CRYBG1: variants seen among roughly 807,000 people sequenced by gnomAD.
CRYBG1 encodes the protein crystallin beta-gamma domain containing 1, also known as beta/gamma crystallin domain-containing protein 1.
In CRYBG1, 139 loss-of-function variants were observed where a neutral mutation model predicts 189.2. The ratio of observed to expected loss-of-function variants is 0.73; its 90% confidence interval spans 0.64 to 0.85. CRYBG1 has a LOEUF of 0.85. CRYBG1 is among the 40% of genes least tolerant of loss of function. The probability of loss-of-function intolerance (pLI) is 0.00; values close to 1 mark genes in which losing one functional copy is unlikely to be tolerated. For missense variants in CRYBG1, 2,611 were observed against 2,675.8 expected (o/e 0.98, Z 0.53); for synonymous variants, 1,023 against 1,017.1 (o/e 1.01, Z -0.11).
At chr6:106,524,459 G>T (rs567944435) in intron 4 of CRYBG1, among the ~76,000 whole-genome samples, 3 of 152,200 alleles carry the variant, frequency 2.0e-5, no homozygotes, top group South Asian at 4.1e-4. Flanking sequence ...CCAGCTACTC[G>T]GGAGGCTGAG....
At chr6:106,552,388 C>A (rs916685194) in intron 15 of CRYBG1, 172 bp downstream of exon 15, 24 of 352,052 alleles carry the variant, frequency 6.8e-5, no homozygotes, top group Non-Finnish European at 9.8e-5. Context: ...GAGTTCAAGA[C>A]CAGCCTGACC....
chr6:106,472,222 T>G (rs552241254), intron 2 of CRYBG1, among the ~76,000 whole-genome samples: 1 of 152,294 alleles, frequency 6.6e-6, no homozygotes, highest in South Asian at 2.1e-4. Flanking sequence ...TTGGTTGAAT[T>G]TTTTTCCTAA....
Position 106,534,095 on chromosome 6 carries a change from T to C in CRYBG1, c.4718+3780T>C, listed in dbSNP as rs574977252. ...TTTTTTTTAAAGAATTGGTGTCAGG[T>C]TGAGAAACACCACTTTCCTTAGAAA... On this transcript the variant is annotated intron_variant, in intron 8 of 21. Coordinates refer to ENST00000633556, the MANE Select transcript of CRYBG1 (RefSeq NM_001371242.2). Among the ~76,000 whole-genome samples, 233 of 152,286 alleles carry C rather than the reference T, an allele frequency of 1.5e-3. 3 individuals carry two copies. Among genetic ancestry groups the C allele is most frequent in the Non-Finnish European group, 9.7e-4 (66 of 68,022 alleles).
In CRYBG1 at chr6:106,569,633, A is replaced by G. The variant is rs1388645906; in HGVS notation, c.*1067A>G. The G allele has an allele frequency of 6.6e-6, 1 of 152,204 alleles. No individual in the cohort carries two copies. The highest frequency in any genetic ancestry group is 1.5e-5 in the Non-Finnish European group (1 of 68,032). 9.4% of individuals were successfully genotyped at this position (152,204 alleles called of 1,614,324 possible). ...CTGGAACACTATTATGACCTAATTT[A>G]TGAGCCATCCTTACTCATCTACAAG... On this transcript the variant is annotated 3_prime_UTR_variant, in exon 22 of 22. Transcript: ENST00000633556.
chr6:106,433,718 A>T (rs939418510), intron 1 of CRYBG1, among the ~76,000 whole-genome samples: 2 of 64,934 alleles, frequency 3.1e-5, no homozygotes, highest in Non-Finnish European at 5.1e-5. Flanking sequence ...GAAACTGGGA[A>T]ATATATATAT....
At chr6:106,394,073 T>G (rs803522) in intron 1 of CRYBG1, among the ~76,000 whole-genome samples, 1 of 152,246 alleles carries the variant, frequency 6.6e-6, no homozygotes, top group South Asian at 2.1e-4. Context: ...TGGATTTCAG[T>G]ACAGCCTAGA....
intron 1 of CRYBG1, among the ~76,000 whole-genome samples, chr6:106,433,755 ATG>A (rs1379167772): frequency 2.5e-5 from 2 of 79,858 alleles, no homozygotes; most frequent in African/African-American, 9.4e-5. Flanking sequence ...GTATATATAT[ATG>A]TGTATATATA....
intron 1 of CRYBG1, among the ~76,000 whole-genome samples, chr6:106,371,455 C>A (rs1770029479): frequency 6.6e-6 from 1 of 152,244 alleles, no homozygotes; most frequent in Non-Finnish European, 1.5e-5. Flanking sequence ...TCTTTCCCCA[C>A]TGTTGGCTTC....
intron 2 of CRYBG1, among the ~76,000 whole-genome samples, chr6:106,494,407 T>C (rs1459729702): frequency 6.6e-6 from 1 of 152,176 alleles, no homozygotes; most frequent in Non-Finnish European, 1.5e-5. Flanking sequence ...CACAGTTAAA[T>C]TTAAAAAAAT....
At chr6:106,411,896 AAGAG>A (rs1051902359) in intron 1 of CRYBG1, among the ~76,000 whole-genome samples, 6 of 152,152 alleles carry the variant, frequency 3.9e-5, no homozygotes, top group Non-Finnish European at 8.8e-5. Context: ...CACAAGAAGA[AAGAG>A]AGAGAGCAAG....
intron 2 of CRYBG1, among the ~76,000 whole-genome samples, chr6:106,492,390 C>A (rs966345643): frequency 1.3e-5 from 2 of 151,872 alleles, no homozygotes; most frequent in African/African-American, 2.4e-5. Context: ...TAGTACCAAA[C>A]AAATGTTTAT....
intron 1 of CRYBG1, among the ~76,000 whole-genome samples, chr6:106,388,154 A>C (rs1370874739): frequency 6.6e-6 from 1 of 152,154 alleles, no homozygotes; most frequent in East Asian, 1.9e-4. Context: ...AATCCTTTTC[A>C]AGCTCCTGCT....
rs543330954 is a variant in CRYBG1 at position 106,399,718 on chromosome 6, G to A, written c.173+38637G>A. 1.0e-3 allele frequency among the ~76,000 whole-genome samples: 156 copies of A among 148,752 alleles called. 1 individual carries two copies. Among genetic ancestry groups the A allele is most frequent in the African/African-American group, 3.4e-3 (136 of 40,308 alleles). On this transcript the variant is annotated intron_variant, in intron 1 of 21. Transcript: ENST00000633556. ...GTTACCTAGCCTGGAGTGCAGTGGT[G>A]TGAACACAGCTTACTGTAGCCTCAA...
Position 106,451,743 on chromosome 6 carries a change from T to C in CRYBG1, c.223T>C (p.Phe75Leu). Residue 75 changes from phenylalanine to leucine, a missense_variant, in exon 2 of 22, where the codon TTT (phenylalanine) becomes CTT (leucine). Around this residue, in one of 3 missense-constraint regions of CRYBG1, gnomAD observed 985 missense variants for 924.4 expected, o/e 1.07. Transcript: ENST00000633556. The part of the protein sequence containing the change: ...GKYVVRDSQE[F>L]PLHCGESQFF... ...ATATGTGGTTCGAGACTCCCAGGAATTTCCACTGCACTGTGGGGAATCCCA... is the reference window on the plus strand; with the variant it reads ...ATATGTGGTTCGAGACTCCCAGGAACTTCCACTGCACTGTGGGGAATCCCA... 3 of 1,534,892 alleles carry C rather than the reference T, an allele frequency of 2.0e-6. No individual in the cohort carries two copies. In the South Asian group the frequency reaches 3.6e-5, roughly 18 times the overall value.
intron 2 of CRYBG1, among the ~76,000 whole-genome samples, chr6:106,500,135 G>T (rs899927195): frequency 5.3e-5 from 8 of 152,230 alleles, no homozygotes; most frequent in Admixed American, 4.6e-4. Flanking sequence ...AACACAGGGG[G>T]CCAGATATCT....
intron 1 of CRYBG1, among the ~76,000 whole-genome samples, chr6:106,440,140 C>T (rs146270649): frequency 1.2e-3 from 190 of 152,284 alleles, no homozygotes; most frequent in Admixed American, 2.3e-3. Flanking sequence ...TGCTGCCTCT[C>T]TTCTTCTGCC....
chr6:106,513,478 G>A (rs1021068515), intron 3 of CRYBG1, among the ~76,000 whole-genome samples: 5 of 152,326 alleles, frequency 3.3e-5, no homozygotes, highest in Non-Finnish European at 5.9e-5. Flanking sequence ...TTTGACATGT[G>A]TGAGTTTTAA....
rs567704997 is a variant in CRYBG1, at chr6:106,504,209, C to G, written c.313-7221C>G. Among the ~76,000 whole-genome samples, 3 of 152,188 alleles carry G rather than the reference C, an allele frequency of 2.0e-5. No individual in the cohort carries two copies. The East Asian group carries it at 5.8e-4, about 29-fold the overall frequency. On this transcript the variant is annotated intron_variant, in intron 2 of 21. Coordinates refer to ENST00000633556, the MANE Select transcript of CRYBG1 (RefSeq NM_001371242.2). ...AGCATGGGGCAAGCAGACATTCCACCCCGGGAGACTGGGAGCAGTGACATC... is the reference window on the plus strand; with the variant it reads ...AGCATGGGGCAAGCAGACATTCCACGCCGGGAGACTGGGAGCAGTGACATC...
intron 2 of CRYBG1, among the ~76,000 whole-genome samples, chr6:106,502,047 G>A (rs1311435864): frequency 6.6e-6 from 1 of 152,106 alleles, no homozygotes; most frequent in Non-Finnish European, 1.5e-5. Context: ...TCAGCCCCAG[G>A]GCCTCTGACT....
Sources: gnomAD v4.1 joint callset for allele counts (sites outside exome capture counted in the v4.1 genomes callset) on GRCh38, gnomAD v4.1.1 for gene constraint, gnomAD v4.1.1 regional missense constraint, MANE v1.5 for transcripts, NCBI Gene and HGNC (gene_info 2026-07-23, HGNC 2026-07-21) for gene names.